Variants in MEIOB observed in about 807,000 individuals in gnomAD.
The protein encoded by MEIOB is meiosis-specific with OB domain-containing protein.
Under a neutral mutation model 53.1 loss-of-function variants are expected in MEIOB, and 50 were observed. The ratio of observed to expected loss-of-function variants is 0.94; its 90% CI spans 0.75 to 1.19. The LOEUF is 1.19. MEIOB is among the 50% of genes most tolerant of loss of function. The probability of loss-of-function intolerance (pLI) is 0.00; values close to 1 mark genes in which losing one functional copy is unlikely to be tolerated. For synonymous variants in MEIOB, 192 were observed against 182.5 expected (o/e 1.05, Z -0.42); for missense variants, 551 against 550.8 (o/e 1.00, Z 0.00).
At chr16:1,870,315 C>T (rs447782) in intron 1 of MEIOB, among the ~76,000 whole-genome samples, 125,548 of 152,124 alleles carry the variant, frequency 0.83, 51,928 homozygotes, top group Middle Eastern at 0.9. Context: ...TGTCCCTCAA[C>T]ATCATCACTC....
intron 5 of MEIOB, 115 bp downstream of exon 5, chr16:1,860,285 ACTC>A (rs76030996): frequency 0.014 from 7,513 of 533,732 alleles, 265 homozygotes; most frequent in East Asian, 0.09. Context: ...AGAAAATTAA[ACTC>A]CTCATTTTTA....
At chr16:1,860,938 T>G (rs1341189564) in intron 4 of MEIOB, among the ~76,000 whole-genome samples, 1 of 152,184 alleles carries the variant, frequency 6.6e-6, no homozygotes, top group Non-Finnish European at 1.5e-5. Context: ...TTTTCTCTTT[T>G]TCTATCGTGA....
intron 10 of MEIOB, among the ~76,000 whole-genome samples, chr16:1,844,122 CTTT>C (rs755682782): frequency 7.0e-5 from 9 of 129,404 alleles, no homozygotes; most frequent in East Asian, 6.6e-4. Flanking sequence ...TATTATGTTT[CTTT>C]TTTTTTTTTT....
chr16:1,840,747 T>A (rs1222451890), intron 11 of MEIOB, among the ~76,000 whole-genome samples: 1 of 152,086 alleles, frequency 6.6e-6, no homozygotes, highest in African/African-American at 2.4e-5. Flanking sequence ...AGACAGGGTT[T>A]CACCGTGTTA....
chr16:1,844,779 T>C (rs1192967199), intron 10 of MEIOB, 83 bp downstream of exon 10: 2 of 650,658 alleles, frequency 3.1e-6, no homozygotes, highest in Admixed American at 2.9e-5. Flanking sequence ...AGGAATCTGG[T>C]ATCTTTTACC....
intron 9 of MEIOB, among the ~76,000 whole-genome samples, chr16:1,852,562 G>GT (rs796889434): frequency 0.013 from 1,869 of 142,748 alleles, 42 homozygotes; most frequent in African/African-American, 0.045. Context: ...CGCCAGCCTT[G>GT]TTTTTTTTTT....
chr16:1,858,339 C>G (rs1239665079), intron 5 of MEIOB, among the ~76,000 whole-genome samples: 1 of 152,172 alleles, frequency 6.6e-6, no homozygotes, highest in African/African-American at 2.4e-5. Context: ...CCTACCCCTA[C>G]TGAGCTCTGC....
chr16:1,859,503 T>C (rs930630397), intron 5 of MEIOB, among the ~76,000 whole-genome samples: 2 of 152,154 alleles, frequency 1.3e-5, no homozygotes, highest in African/African-American at 4.8e-5. Context: ...ATCGTGCCAC[T>C]GCACTCCAGC....
chr16:1,837,741 TAATA>T, intron 13 of MEIOB, 39 bp downstream of exon 13: 3 of 1,013,694 alleles, frequency 3.0e-6, no homozygotes, highest in Non-Finnish European at 2.9e-6. Context: ...ATATACAGAA[TAATA>T]AATATATAGA....
intron 13 of MEIOB, among the ~76,000 whole-genome samples, chr16:1,836,589 C>T (rs1047231576): frequency 4.7e-5 from 7 of 148,302 alleles, no homozygotes; most frequent in African/African-American, 1.2e-4. Flanking sequence ...GGCCTCAAGC[C>T]GAGGTCCTAG....
rs1336296751 is a variant in MEIOB, at chr16:1,865,837, T to C, written c.70-2A>G. On this transcript the variant is annotated splice_acceptor_variant, in intron 2 of 13. Coordinates refer to ENST00000325962, the MANE Select transcript of MEIOB (RefSeq NM_001163560.3). LOFTEE classifies it high-confidence loss of function. ...CCCAATAACTATACCGATAACTTTCTGAAAAACAAAAAGGTCACAGAAGAC... is the reference window on the plus strand; with the variant it reads ...CCCAATAACTATACCGATAACTTTCCGAAAAACAAAAAGGTCACAGAAGAC... The C allele has an allele frequency of 6.5e-7, 1 of 1,542,652 alleles. No individual in the cohort carries two copies. Among genetic ancestry groups the C allele is most frequent in the South Asian group, 1.2e-5 (1 of 82,148 alleles).
chr16:1,870,427 G>A (rs1899713962), intron 1 of MEIOB, among the ~76,000 whole-genome samples: 1 of 152,150 alleles, frequency 6.6e-6, no homozygotes, highest in African/African-American at 2.4e-5. Flanking sequence ...ACACCCACCC[G>A]CTCCAGTTCA....
intron 6 of MEIOB, among the ~76,000 whole-genome samples, chr16:1,854,616 G>A (rs955949610): frequency 1.3e-5 from 2 of 152,146 alleles, no homozygotes; most frequent in African/African-American, 2.4e-5. Context: ...CAGCACCTCC[G>A]TCTTCTTAGT....
intron 11 of MEIOB, among the ~76,000 whole-genome samples, chr16:1,840,771 C>A (rs973547655): frequency 1.3e-5 from 2 of 152,022 alleles, no homozygotes; most frequent in Non-Finnish European, 2.9e-5. Context: ...AGGATGGTCT[C>A]AATCTCCTGA....
chr16:1,865,767 C>T lies in MEIOB; in HGVS notation c.127+11G>A. On this transcript the variant is annotated intron_variant, in intron 3 of 13. Transcript: ENST00000325962. Reference sequence around the variant, plus strand: ...ATGAAAAATGAAACCAAGAGTTAAACAGAACTCAGCTTTTTCTGTCTGGAA... The same window carrying T: ...ATGAAAAATGAAACCAAGAGTTAAATAGAACTCAGCTTTTTCTGTCTGGAA... 1.9e-6 allele frequency: 3 copies of T among 1,542,612 alleles called. No individual in the cohort carries two copies. Among genetic ancestry groups the T allele is most frequent in the Non-Finnish European group, 2.6e-6 (3 of 1,142,518 alleles).
At chr16:1,865,937 T>C in intron 2 of MEIOB, 102 bp from the exon 3 acceptor site, 1 of 724,940 alleles carries the variant, frequency 1.4e-6, no homozygotes, top group Middle Eastern at 3.6e-4. Context: ...TAACAAACAT[T>C]TCTGACTAGG....
intron 1 of MEIOB, among the ~76,000 whole-genome samples, chr16:1,870,235 A>T (rs1899706265): frequency 1.3e-5 from 2 of 152,236 alleles, no homozygotes; most frequent in Non-Finnish European, 2.9e-5. Context: ...CAGAGGTGGC[A>T]TCTTACGTAT....
chr16:1,866,762 A>C (rs1899604500), intron 2 of MEIOB, among the ~76,000 whole-genome samples: 1 of 152,038 alleles, frequency 6.6e-6, no homozygotes, highest in Non-Finnish European at 1.5e-5. Flanking sequence ...AATAAAAATG[A>C]ATACCTTTTC....
At chr16:1,843,759 AT>A (rs1898968024) in intron 10 of MEIOB, among the ~76,000 whole-genome samples, 2 of 152,066 alleles carry the variant, frequency 1.3e-5, no homozygotes, top group Admixed American at 1.3e-4. Flanking sequence ...ATAACACAAC[AT>A]TAGTGAGGAT....
Sources: allele counts gnomAD v4.1 joint callset (sites outside exome capture counted in the v4.1 genomes callset), GRCh38; gene constraint gnomAD v4.1.1; transcripts MANE v1.5; gene names NCBI Gene and HGNC (gene_info 2026-07-23, HGNC 2026-07-21).